PLXNA2: variants seen among roughly 807,000 people sequenced by gnomAD.
PLXNA2 encodes the protein plexin A2.
In PLXNA2, 91 loss-of-function variants were observed where a neutral mutation model predicts 193.5. That is an observed-to-expected ratio of 0.47 (90% CI 0.40 to 0.56). The LOEUF is 0.56. PLXNA2 is among the 20% of genes least tolerant of loss of function. PLXNA2 has a pLI of 0.00. For synonymous variants in PLXNA2, 997 were observed against 1,027.3 expected (o/e 0.97, Z 0.56); for missense variants, 1,995 against 2,503.2 (o/e 0.80, Z 4.33).
chr1:208,209,030 C>A (rs945994638), intron 3 of PLXNA2, among the ~76,000 whole-genome samples: 2 of 152,178 alleles, frequency 1.3e-5, no homozygotes, highest in Admixed American at 6.5e-5. Context: ...AATGCAAGGA[C>A]CACATTCTTT....
At chr1:208,164,321 G>C (rs1669226893) in intron 3 of PLXNA2, among the ~76,000 whole-genome samples, 1 of 152,186 alleles carries the variant, frequency 6.6e-6, no homozygotes, top group South Asian at 2.1e-4. Context: ...AGGCGGAAGA[G>C]GAGAAACAAG....
chr1:208,145,046 C>T (rs2102488505), intron 3 of PLXNA2, among the ~76,000 whole-genome samples: 1 of 152,296 alleles, frequency 6.6e-6, no homozygotes, highest in East Asian at 1.9e-4. Flanking sequence ...CTTAGATAGA[C>T]AGACCCAAAT....
chr1:208,218,828 C>A (rs747572584), intron 1 of PLXNA2, among the ~76,000 whole-genome samples: 1 of 152,192 alleles, frequency 6.6e-6, no homozygotes, highest in Non-Finnish European at 1.5e-5. Context: ...GCCAGGTCCT[C>A]GGGAAATTGC....
In PLXNA2 at chr1:208,096,072, C is replaced by A; in HGVS notation, c.1939G>T (p.Val647Phe). ...TTGTAAAACTTGAACTCGGTGCTGA[C>A]AAATATCTTCCCTGTCTCCTTGGAC... The part of the protein sequence containing the change: ...LRSKETGKIF[V>F]STEFKFYNCS... The change falls in exon 8 of 32, where the codon GTC (valine) becomes TTC (phenylalanine). Residue 647 changes from valine (V) to phenylalanine (F), a missense_variant. Val to Phe is a conservative substitution (Grantham distance 50). Coordinates refer to ENST00000367033, the MANE Select transcript of PLXNA2 (RefSeq NM_025179.4). 1 of 1,614,130 alleles carries A rather than the reference C, an allele frequency of 6.2e-7. No individual in the cohort carries two copies. The highest frequency in any genetic ancestry group is 8.5e-7 in the Non-Finnish European group (1 of 1,180,000).
intron 28 of PLXNA2, among the ~76,000 whole-genome samples, chr1:208,032,486 A>G (rs988257776): frequency 6.6e-6 from 1 of 152,176 alleles, no homozygotes. Flanking sequence ...GTCTCGTGGA[A>G]TATTTCTGGG....
At chr1:208,177,263 C>T (rs1201800869) in intron 3 of PLXNA2, among the ~76,000 whole-genome samples, 1 of 152,062 alleles carries the variant, frequency 6.6e-6, no homozygotes, top group Non-Finnish European at 1.5e-5. Context: ...CATTCAGAGT[C>T]CAGCATAGTG....
chr1:208,058,874 C>T (rs674172), intron 13 of PLXNA2, among the ~76,000 whole-genome samples: 146,752 of 152,298 alleles, frequency 0.96, 70,953 homozygotes, highest in Middle Eastern at 1. Flanking sequence ...GTCACAGAGA[C>T]TGAACAGCTT....
At chr1:208,119,865 T>TC (rs36015679) in intron 4 of PLXNA2, among the ~76,000 whole-genome samples, 145,474 of 152,298 alleles carry the variant, frequency 0.96, 69,835 homozygotes, top group East Asian at 1. Context: ...TCCACCTGCC[T>TC]AGCCTCCCAA....
intron 4 of PLXNA2, among the ~76,000 whole-genome samples, chr1:208,130,798 C>T (rs952642243): frequency 1.4e-4 from 21 of 152,184 alleles, no homozygotes; most frequent in African/African-American, 4.6e-4. Context: ...AAATTTTGTC[C>T]CTAGGATCAA....
Position 208,043,096 on chromosome 1 carries a change from C to T in PLXNA2, c.3982G>A (p.Gly1328Ser). The change falls in exon 21 of 32, where the codon GGC (glycine) becomes AGC (serine). Residue 1328 changes from glycine to serine, a missense_variant. Around this residue, in one of 3 missense-constraint regions of PLXNA2, gnomAD observed 1,291 missense variants for 1,673.6 expected, o/e 0.77. Transcript: ENST00000367033. ...CGCAGGACGGGGTGGTCCTCGATGC[C>T]CGGGAACAGGACTCGCATAGCGTAG... ...RTYAMRVLFP[G>S]IEDHPVLREL... is the part of the protein sequence containing the mutation. 1.2e-6 allele frequency: 2 copies of T among 1,614,024 alleles called. No individual in the cohort carries two copies. The highest frequency in any genetic ancestry group is 1.1e-5 in the South Asian group (1 of 91,074).
chr1:208,093,289 G>A (rs1245761616), intron 8 of PLXNA2, among the ~76,000 whole-genome samples: 2 of 152,314 alleles, frequency 1.3e-5, no homozygotes, highest in East Asian at 3.9e-4. Flanking sequence ...TCTTCTGAAT[G>A]CTGGTAGCTA....
intron 3 of PLXNA2, among the ~76,000 whole-genome samples, chr1:208,178,959 T>G (rs1237342160): frequency 6.6e-6 from 1 of 152,158 alleles, no homozygotes; most frequent in African/African-American, 2.4e-5. Flanking sequence ...TTGAAGTCTT[T>G]TTCTTGGTTT....
In PLXNA2 at chr1:208,051,120, C is replaced by T; in HGVS notation, c.3162-18G>A. On this transcript the variant is annotated intron_variant, in intron 16 of 31. Transcript: ENST00000367033. ...TGTGGCCACTGAAAACAGGCAGAGG[C>T]TCGGTTAGGTAAAAAACCCCCTCAA... is the stretch of plus-strand genomic sequence containing the variant. 1.2e-6 allele frequency: 2 copies of T among 1,609,820 alleles called. No individual in the cohort carries two copies. Among genetic ancestry groups the T allele is most frequent in the African/African-American group, 1.3e-5 (1 of 74,928 alleles).
intron 3 of PLXNA2, among the ~76,000 whole-genome samples, chr1:208,168,724 G>GTTTTTTTTTTT (rs10668701): frequency 1.6e-4 from 12 of 73,192 alleles, no homozygotes; most frequent in Admixed American, 1.8e-4. Context: ...AGTATGCGGG[G>GTTTTTTTTTTT]TTTTTTTTTT....
At position 208,044,767 on chromosome 1, in the gene PLXNA2, C is replaced by T. The variant is rs771552400; in HGVS notation, c.3640-25G>A. ...CCTGTGCATTGTACACATACAGACG[C>T]ACATGGATGCACACAGGTGTAGAGC... On this transcript the variant is annotated intron_variant, in intron 19 of 31. Transcript: ENST00000367033. This position sits in a 1 kb window ranked among gnomAD's most constrained non-coding sequence, Gnocchi z 4.9. 11 of 1,555,214 alleles carry T rather than the reference C, an allele frequency of 7.1e-6. No homozygotes were observed. The highest frequency in any genetic ancestry group is 3.4e-5 in the Admixed American group (2 of 58,370).
intron 1 of PLXNA2, among the ~76,000 whole-genome samples, chr1:208,238,003 T>C (rs1473307665): frequency 6.6e-6 from 1 of 152,200 alleles, no homozygotes; most frequent in African/African-American, 2.4e-5. Flanking sequence ...TTTGGTTCAG[T>C]GCAAAGGGTA....
At chr1:208,085,194 G>A (rs191726801) in intron 9 of PLXNA2, among the ~76,000 whole-genome samples, 11 of 152,168 alleles carry the variant, frequency 7.2e-5, no homozygotes, top group Non-Finnish European at 1.5e-4. Context: ...GCTTTGGGAA[G>A]GACCATGAGA....
chr1:208,051,643 G>A (rs539108550), intron 15 of PLXNA2, among the ~76,000 whole-genome samples: 3 of 152,164 alleles, frequency 2.0e-5, no homozygotes, highest in Admixed American at 2.0e-4. Context: ...TTGAAAATGA[G>A]GGGCAGGGAT....
intron 4 of PLXNA2, among the ~76,000 whole-genome samples, chr1:208,105,388 C>T (rs1043568947): frequency 7.9e-5 from 12 of 152,224 alleles, no homozygotes; most frequent in African/African-American, 2.7e-4. Context: ...AGGTGACATT[C>T]GTCCCAAAGG....
Sources: allele counts gnomAD v4.1 joint callset (sites outside exome capture counted in the v4.1 genomes callset), GRCh38; gene constraint gnomAD v4.1.1; regional missense constraint gnomAD v4.1.1; non-coding constraint Gnocchi (gnomAD v3.1); transcripts MANE v1.5; gene names NCBI Gene and HGNC (gene_info 2026-07-23, HGNC 2026-07-21).